PAPPA2: variants seen among roughly 807,000 people sequenced by gnomAD.
PAPPA2 encodes pappalysin-2.
A neutral mutation model predicts 176.4 loss-of-function variants in PAPPA2; 86 were observed. The ratio of observed to expected loss-of-function variants is 0.49; its 90% CI spans 0.41 to 0.58. The LOEUF (loss-of-function observed/expected upper bound fraction) is 0.58. Among genes scored for constraint, PAPPA2 ranks in the 20% least tolerant of loss-of-function variants. PAPPA2 has a pLI of 0.00. For synonymous variants in PAPPA2, 809 were observed against 852.2 expected, an observed-to-expected ratio of 0.95 and a Z score of 0.88; for missense variants, 2,073 against 2,256.9, an observed-to-expected ratio of 0.92 and a Z score of 1.65.
At chr1:176,612,352 C>T (rs1654977856) in intron 3 of PAPPA2, among the ~76,000 whole-genome samples, 1 of 152,042 alleles carries the variant, frequency 6.6e-6, no homozygotes, top group Admixed American at 6.6e-5. Flanking sequence ...TGAGATTCTA[C>T]CTCTGCACTC....
chr1:176,729,986 C>A (rs746468172), intron 12 of PAPPA2, among the ~76,000 whole-genome samples: 3 of 151,756 alleles, frequency 2.0e-5, no homozygotes, highest in Non-Finnish European at 4.4e-5. Context: ...GTTGTCAAAT[C>A]ATTTTTGCCT....
At position 176,765,746 on chromosome 1, in the gene PAPPA2, CTA is replaced by C; in HGVS notation, c.4235_4236del (p.Ile1412ArgfsTer98). 6.2e-7 allele frequency: 1 copy of C among 1,614,096 alleles called. No homozygotes were observed. The highest frequency in any genetic ancestry group is 8.5e-7 in the Non-Finnish European group (1 of 1,180,024). On this transcript the variant is annotated frameshift_variant, in exon 15 of 23. Transcript: ENST00000367662. LOFTEE classifies it high-confidence loss of function. Reference sequence around the variant, plus strand: ...CATGCTGATGTGGTGAACTGTACCTCTATAGGCCCAGGTCTCATGAAGTGTGC... The same window carrying C: ...CATGCTGATGTGGTGAACTGTACCTCTAGGCCCAGGTCTCATGAAGTGTGC...
intron 7 of PAPPA2, among the ~76,000 whole-genome samples, chr1:176,698,051 T>C (rs1178563353): frequency 1.3e-5 from 2 of 152,320 alleles, no homozygotes; most frequent in South Asian, 2.1e-4. Context: ...TTCTATTTCC[T>C]GCCTGCAGTT....
Position 176,840,175 on chromosome 1 carries a change from C to T in PAPPA2, c.5205C>T (p.Pro1735=), listed in dbSNP as rs759773726. ...GTTGCCTTCTAACCTCCCTACAGCC[C>T]TTCCAAGCAGATGGTTGGTGTGACA... ...VLVHCIQSCE[P]FQADGWCDTI... Residue 1735 remains proline, a splice_region_variant and synonymous_variant, in exon 22 of 23, where the codon CCC becomes CCT. Coordinates refer to ENST00000367662, the MANE Select transcript of PAPPA2 (RefSeq NM_020318.3). 2 of 1,612,742 alleles carry T rather than the reference C, an allele frequency of 1.2e-6. No individual in the cohort carries two copies. The highest frequency in any genetic ancestry group is 1.7e-6 in the Non-Finnish European group (2 of 1,179,114).
intron 1 of PAPPA2, among the ~76,000 whole-genome samples, chr1:176,512,076 A>G (rs1162831520): frequency 1.3e-5 from 2 of 152,170 alleles, no homozygotes; most frequent in African/African-American, 4.8e-5. Context: ...GGACCTCCCC[A>G]AAATGGCAAA....
At chr1:176,620,251 T>C (rs990787443) in intron 3 of PAPPA2, among the ~76,000 whole-genome samples, 4 of 152,110 alleles carry the variant, frequency 2.6e-5, no homozygotes, top group Non-Finnish European at 5.9e-5. Flanking sequence ...ACCATCACCT[T>C]GGGCATTAGG....
At position 176,666,559 on chromosome 1, in the gene PAPPA2, ATATGTGTGTGTG is replaced by A. The variant is rs1306711473; in HGVS notation, c.1992-4409_1992-4398del. Among the ~76,000 whole-genome samples the A allele has an allele frequency of 3.7e-4, 46 of 123,344 alleles. No homozygotes were observed. In the South Asian group the frequency reaches 0.012, roughly 33 times the overall value. 80.9% of individuals were successfully genotyped at this position (123,344 alleles called of 152,430 possible). A position where few individuals can be genotyped will look rare whatever the true frequency, so the allele number is the denominator to read the frequency against. On this transcript the variant is annotated intron_variant, in intron 3 of 22. Transcript: ENST00000367662. ...TACAAATAGGTAAGGAAGTAAATATATATGTGTGTGTGTGTGTGTGTGTGTGTGTGTGTGTGT... is the reference window on the plus strand; with the variant it reads ...TACAAATAGGTAAGGAAGTAAATATATGTGTGTGTGTGTGTGTGTGTGTGT...
At chr1:176,840,711 C>G (rs1667456449) in intron 22 of PAPPA2, among the ~76,000 whole-genome samples, 1 of 152,290 alleles carries the variant, frequency 6.6e-6, no homozygotes, top group Non-Finnish European at 1.5e-5. Context: ...CCACCAGCCA[C>G]CTGAGCACTC....
intron 2 of PAPPA2, among the ~76,000 whole-genome samples, chr1:176,558,823 C>T (rs1651485211): frequency 6.6e-6 from 1 of 152,120 alleles, no homozygotes; most frequent in Non-Finnish European, 1.5e-5. Context: ...TCTGCTTACC[C>T]CTCCTCTTGC....
chr1:176,502,949 G>A (rs1342502324), intron 1 of PAPPA2, among the ~76,000 whole-genome samples: 1 of 152,134 alleles, frequency 6.6e-6, no homozygotes, highest in East Asian at 1.9e-4. Context: ...AAACACTGGG[G>A]AATAAACATT....
At chr1:176,486,709 G>GTATGCC (rs750508519) in intron 1 of PAPPA2, among the ~76,000 whole-genome samples, 50 of 152,290 alleles carry the variant, frequency 3.3e-4, no homozygotes, top group Non-Finnish European at 5.7e-4. Flanking sequence ...CCACTGTGGG[G>GTATGCC]TATGCCTATA....
At chr1:176,782,480 G>A (rs1460247841) in intron 17 of PAPPA2, among the ~76,000 whole-genome samples, 1 of 152,036 alleles carries the variant, frequency 6.6e-6, no homozygotes, top group Non-Finnish European at 1.5e-5. Flanking sequence ...GGATGCTTTT[G>A]GGTGGTAAGA....
Position 176,503,689 on chromosome 1 carries a change from T to C in PAPPA2, c.-917+40271T>C, listed in dbSNP as rs1648091983. Among the ~76,000 whole-genome samples the C allele has an allele frequency of 2.0e-5, 3 of 152,172 alleles. No homozygotes were observed. In the South Asian group the frequency reaches 6.2e-4, roughly 32 times the overall value. ...TGTTCTTGTGCCATAGCTCCAATAT[T>C]GTGAAGTGAATTCTGGAGAAAGCAG... On this transcript the variant is annotated intron_variant, in intron 1 of 22. Coordinates refer to ENST00000367662, the MANE Select transcript of PAPPA2 (RefSeq NM_020318.3).
chr1:176,728,299 G>C (rs1292669163), intron 12 of PAPPA2, among the ~76,000 whole-genome samples: 1 of 151,844 alleles, frequency 6.6e-6, no homozygotes, highest in Non-Finnish European at 1.5e-5. Flanking sequence ...TAAAATTTTA[G>C]TTAGCATTGA....
At position 176,808,849 on chromosome 1, in the gene PAPPA2, A is replaced by T. The variant is rs1666022085; in HGVS notation, c.5202+8717A>T. ...AAAAGAAGTGAGGTTTCCCAGTCTA[A>T]AATGAGAAGAATAAAGGTTAATGTA... On this transcript the variant is annotated intron_variant, in intron 21 of 22. Transcript: ENST00000367662. Among the ~76,000 whole-genome samples the T allele has an allele frequency of 3.3e-5, 5 of 152,234 alleles. No homozygotes were observed. The South Asian group carries it at 1.0e-3, about 32-fold the overall frequency.
At chr1:176,698,363 G>T (rs762869132) in intron 7 of PAPPA2, among the ~76,000 whole-genome samples, 4 of 152,148 alleles carry the variant, frequency 2.6e-5, no homozygotes, top group Non-Finnish European at 5.9e-5. Flanking sequence ...GCTAGTTCTC[G>T]ATTCAACACT....
At chr1:176,706,600 G>A (rs1239538135) in intron 10 of PAPPA2, 150 bp downstream of exon 10, 12 of 671,324 alleles carry the variant, frequency 1.8e-5, no homozygotes, top group Non-Finnish European at 2.8e-5. Context: ...TTGTTTCACA[G>A]GTATTATCTC....
intron 3 of PAPPA2, among the ~76,000 whole-genome samples, chr1:176,603,144 C>T (rs190158283): frequency 6.6e-6 from 1 of 152,348 alleles, no homozygotes; most frequent in East Asian, 1.9e-4. Flanking sequence ...ACCCCAGTCT[C>T]CAAATACACT....
chr1:176,753,214 G>A (rs1663260760), intron 14 of PAPPA2, among the ~76,000 whole-genome samples: 1 of 152,180 alleles, frequency 6.6e-6, no homozygotes, highest in Non-Finnish European at 1.5e-5. Context: ...CTGAGCCCCA[G>A]TCAAGGGAGA....
Sources: gnomAD v4.1 joint callset for allele counts (sites outside exome capture counted in the v4.1 genomes callset) on GRCh38, gnomAD v4.1.1 for gene constraint, MANE v1.5 for transcripts, NCBI Gene and HGNC (gene_info 2026-07-23, HGNC 2026-07-21) for gene names.